Variants in TRAFD1 observed in about 807,000 individuals in gnomAD.
TRAFD1 encodes the protein TRAF-type zinc finger domain-containing protein 1.
TRAFD1 carries 38 observed loss-of-function variants against 65.3 expected under a neutral mutation model. The ratio of observed to expected loss-of-function variants is 0.58; its 90% CI spans 0.45 to 0.76. TRAFD1 has a LOEUF of 0.76. TRAFD1 is among the 30% of genes least tolerant of loss of function. TRAFD1 has a pLI of 0.00. For missense variants in TRAFD1, 631 were observed against 712.6 expected, an observed-to-expected ratio of 0.89 and a Z score of 1.30; for synonymous variants, 223 against 257.2, an observed-to-expected ratio of 0.87 and a Z score of 1.27.
chr12:112,140,763 T>G, intron 4 of TRAFD1, 56 bp from the exon 5 acceptor site: 1 of 1,592,034 alleles, frequency 6.3e-7, no homozygotes, highest in East Asian at 2.2e-5. Flanking sequence ...TGCCCTATAC[T>G]AAAACACACC....
intron 2 of TRAFD1, among the ~76,000 whole-genome samples, chr12:112,132,716 A>G (rs1400405182): frequency 6.6e-6 from 1 of 152,188 alleles, no homozygotes; most frequent in Non-Finnish European, 1.5e-5. Context: ...TTGGTCTTTC[A>G]GTTTGGAAGA....
intron 8 of TRAFD1, 117 bp from the exon 9 acceptor site, chr12:112,149,625 CCAGAACTTT>C: frequency 2.3e-6 from 3 of 1,322,982 alleles, no homozygotes; most frequent in Non-Finnish European, 1.0e-6. Flanking sequence ...CTGAAAGTTC[CCAGAACTTT>C]CAGAGGTTGT....
Position 112,130,616 on chromosome 12 carries a change from G to GCT in TRAFD1, c.47+48_47+49dup. 6.6e-7 allele frequency: 1 copy of GCT among 1,515,396 alleles called. No individual in the cohort carries two copies. The highest frequency in any genetic ancestry group is 9.1e-7 in the Non-Finnish European group (1 of 1,095,900). 93.9% of individuals were successfully genotyped at this position (1,515,396 alleles called of 1,614,324 possible). A position where few individuals can be genotyped will look rare whatever the true frequency, so the allele number is the denominator to read the frequency against. On this transcript the variant is annotated intron_variant, in intron 2 of 11. Transcript: ENST00000412615. This position sits in a 1 kb window ranked among gnomAD's most constrained non-coding sequence, Gnocchi z 4.4. The stretch of plus-strand genomic sequence containing the variant: ...ATGTTAGTGGAATGAGGACAGTCAA[G>GCT]CTTAATCACTATCATTTCCTGATTT...
chr12:112,145,159 G>C (rs1210532385), intron 6 of TRAFD1, among the ~76,000 whole-genome samples: 1 of 152,136 alleles, frequency 6.6e-6, no homozygotes, highest in African/African-American at 2.4e-5. Context: ...AGCATTTTTT[G>C]GTACTGGGAG....
intron 1 of TRAFD1, among the ~76,000 whole-genome samples, chr12:112,129,029 TA>T (rs543476356): frequency 0.033 from 3,048 of 91,518 alleles, 109 homozygotes; most frequent in South Asian, 0.2. Context: ...AGACTCTGTT[TA>T]AAAAAAAAAA....
Position 112,152,363 on chromosome 12 carries a change from T to G in TRAFD1, c.1620-64T>G. 1.3e-6 allele frequency: 2 copies of G among 1,593,306 alleles called. No homozygotes were observed. The highest frequency in any genetic ancestry group is 1.7e-6 in the Non-Finnish European group (2 of 1,170,240). On this transcript the variant is annotated intron_variant, in intron 10 of 11. Coordinates refer to ENST00000412615, the MANE Select transcript of TRAFD1 (RefSeq NM_006700.3). The surrounding 1 kb of genome is among the most constrained non-coding windows in gnomAD (Gnocchi z 5.0). ...TAGCATAGGACTGCTTCCTGTTCCC[T>G]CTGAGTTTGTTGACCTTTGCTCAGG...
Position 112,137,899 on chromosome 12 carries a change from T to A in TRAFD1, c.237+2833T>A, listed in dbSNP as rs1463791505. On this transcript the variant is annotated intron_variant, in intron 4 of 11. Transcript: ENST00000412615. This position sits in a 1 kb window ranked among gnomAD's most constrained non-coding sequence, Gnocchi z 4.2. ...ATTTGTGCATTTCATTCTGTGTGCC[T>A]CAAACTGTAACAACTTGATTTTATT... Among the ~76,000 whole-genome samples, 1 of 152,206 alleles carries A rather than the reference T, an allele frequency of 6.6e-6. No homozygotes were observed. The highest frequency in any genetic ancestry group is 1.9e-4 in the East Asian group (1 of 5,196).
intron 4 of TRAFD1, among the ~76,000 whole-genome samples, chr12:112,136,037 G>A (rs979592814): frequency 6.6e-6 from 1 of 150,874 alleles, no homozygotes; most frequent in Admixed American, 6.6e-5. Flanking sequence ...GCTGAGGCAC[G>A]AGAATCGCTT....
At chr12:112,129,236 C>CT (rs1342810215) in intron 1 of TRAFD1, among the ~76,000 whole-genome samples, 1 of 123,576 alleles carries the variant, frequency 8.1e-6, no homozygotes, top group East Asian at 2.7e-4. Flanking sequence ...GGATCTCACT[C>CT]TGTCACCCAG....
At chr12:112,148,397 TC>T in intron 8 of TRAFD1, 93 bp downstream of exon 8, 1 of 1,106,950 alleles carries the variant, frequency 9.0e-7, no homozygotes, top group Non-Finnish European at 1.3e-6. Context: ...TAAGTTGCAT[TC>T]CATCCTGACA....
intron 1 of TRAFD1, among the ~76,000 whole-genome samples, chr12:112,128,552 A>G (rs1299486428): frequency 6.6e-6 from 1 of 152,220 alleles, no homozygotes; most frequent in African/African-American, 2.4e-5. Flanking sequence ...GAAATTTGGC[A>G]GACACCATAT....
Position 112,130,499 on chromosome 12 carries a change from T to C in TRAFD1, c.-12-12T>C, listed in dbSNP as rs2079562446. 1 of 1,608,722 alleles carries C rather than the reference T, an allele frequency of 6.2e-7. No individual in the cohort carries two copies. Among genetic ancestry groups the C allele is most frequent in the Non-Finnish European group, 8.5e-7 (1 of 1,176,110 alleles). On this transcript the variant is annotated splice_polypyrimidine_tract_variant and intron_variant, in intron 1 of 11. Coordinates refer to ENST00000412615, the MANE Select transcript of TRAFD1 (RefSeq NM_006700.3). The surrounding 1 kb of genome is among the most constrained non-coding windows in gnomAD (Gnocchi z 4.4). ...GAAAGAGAAAGTTCATGTCTTCCTT[T>C]GTGGTTTTCAGGAAGAGCTAAAGAT...
At chr12:112,127,646 C>A (rs1462522609) in intron 1 of TRAFD1, among the ~76,000 whole-genome samples, 5 of 151,732 alleles carry the variant, frequency 3.3e-5, no homozygotes, top group Non-Finnish European at 7.4e-5. Flanking sequence ...GCCACCATAC[C>A]CACCTAATTT....
chr12:112,137,761 A>G lies in TRAFD1; in HGVS notation c.237+2695A>G, dbSNP rs2029964418. Among the ~76,000 whole-genome samples, 1 of 152,098 alleles carries G rather than the reference A, an allele frequency of 6.6e-6. No homozygotes were observed. The highest frequency in any genetic ancestry group is 1.5e-5 in the Non-Finnish European group (1 of 68,014). The stretch of plus-strand genomic sequence containing the variant: ...AGGGCGACAGAGCGAGACTCCGTCT[A>G]AAAAAATAAATAAATAAAAATAAAT... On this transcript the variant is annotated intron_variant, in intron 4 of 11. Coordinates refer to ENST00000412615, the MANE Select transcript of TRAFD1 (RefSeq NM_006700.3). The surrounding 1 kb of genome is among the most constrained non-coding windows in gnomAD (Gnocchi z 4.2).
At chr12:112,134,001 ATTTTTTTTTTTTT>A (rs545753010) in intron 2 of TRAFD1, among the ~76,000 whole-genome samples, 3 of 95,156 alleles carry the variant, frequency 3.2e-5, no homozygotes, top group East Asian at 2.9e-4. Flanking sequence ...AAAGGATTTA[ATTTTTTTTTTTTT>A]TTTTTTTTTT....
chr12:112,143,025 C>G (rs1357202776), intron 6 of TRAFD1, among the ~76,000 whole-genome samples: 1 of 151,152 alleles, frequency 6.6e-6, no homozygotes. Context: ...TCAAGTGATT[C>G]TCCTGCCTCA....
chr12:112,150,771 C>T (rs977576750), intron 9 of TRAFD1, among the ~76,000 whole-genome samples: 2 of 151,040 alleles, frequency 1.3e-5, no homozygotes, highest in South Asian at 4.2e-4. Context: ...CCACATTGTC[C>T]AGGCTGATCT....
Position 112,152,336 on chromosome 12 carries a change from G to A in TRAFD1, c.1620-91G>A. ...CCTATGGGTTTTTTGGGGTTTGTCTGCTAGCATAGGACTGCTTCCTGTTCC... is the reference window on the plus strand; with the variant it reads ...CCTATGGGTTTTTTGGGGTTTGTCTACTAGCATAGGACTGCTTCCTGTTCC... On this transcript the variant is annotated intron_variant, in intron 10 of 11. Transcript: ENST00000412615. This position sits in a 1 kb window ranked among gnomAD's most constrained non-coding sequence, Gnocchi z 5.0. 2 of 1,542,110 alleles carry A rather than the reference G, an allele frequency of 1.3e-6. No homozygotes were observed. Among genetic ancestry groups the A allele is most frequent in the Non-Finnish European group, 1.8e-6 (2 of 1,135,346 alleles).
At position 112,151,882 on chromosome 12, in the gene TRAFD1, C is replaced by G. The variant is rs190153144; in HGVS notation, c.1361C>G (p.Pro454Arg). The change falls in exon 10 of 12, where the codon CCC (proline) becomes CGC (arginine). Residue 454 changes from proline (P) to arginine (R), a missense_variant. Transcript: ENST00000412615. ...ACCTCCTGTCTGCCTCCCAGCCGAC[C>G]CATTAACAATATGACAGCTACCTAT... ...GPTSCLPPSR[P>R]INNMTATYNQ... 2.5e-5 allele frequency: 40 copies of G among 1,614,162 alleles called. No individual in the cohort carries two copies. The African/African-American group carries it at 4.8e-4, about 19-fold the overall frequency.
Sources: allele counts gnomAD v4.1 joint callset (sites outside exome capture counted in the v4.1 genomes callset), GRCh38; gene constraint gnomAD v4.1.1; non-coding constraint Gnocchi (gnomAD v3.1); transcripts MANE v1.5; gene names NCBI Gene and HGNC (gene_info 2026-07-23, HGNC 2026-07-21).